The following RUSC1 variants were observed in gnomAD, a reference collection of about 807,000 sequenced individuals.
The protein encoded by RUSC1 is AP-4 complex accessory subunit RUSC1.
A neutral mutation model predicts 72.1 loss-of-function variants in RUSC1; 40 were observed. The observed-to-expected ratio is 0.55, with a 90% CI of 0.43 to 0.72. RUSC1 has a LOEUF of 0.72. Among genes scored for constraint, RUSC1 ranks in the 30% least tolerant of loss-of-function variants. The probability of loss-of-function intolerance (pLI) is 0.00; values close to 1 mark genes in which losing one functional copy is unlikely to be tolerated. For missense variants in RUSC1, 1,092 were observed against 1,172.3 expected, an observed-to-expected ratio of 0.93 and a Z score of 1.00; for synonymous variants, 512 against 494.2, an observed-to-expected ratio of 1.04 and a Z score of -0.48.
chr1:155,326,884 C>T lies in RUSC1; in HGVS notation c.2166C>T (p.Asn722=). 1 of 1,613,784 alleles carries T rather than the reference C, an allele frequency of 6.2e-7. No individual in the cohort carries two copies. Among genetic ancestry groups the T allele is most frequent in the Non-Finnish European group, 8.5e-7 (1 of 1,180,050 alleles). The change falls in exon 8 of 10, where the codon AAC becomes AAT. Residue 722 remains asparagine (N), a synonymous_variant. Transcript: ENST00000368352. The surrounding 1 kb of genome is among the most constrained non-coding windows in gnomAD (Gnocchi z 4.7). ...EAASDPSDSP[N]LPTPGSWWEQ... is the part of the protein sequence containing the mutation. ...CTTCAGACCCCTCTGACTCTCCAAA[C>T]CTTCCCACACCAGGGAGCTGGTGGG...
intron 9 of RUSC1, among the ~76,000 whole-genome samples, chr1:155,330,111 C>T (rs527535559): frequency 5.9e-5 from 9 of 152,042 alleles, no homozygotes; most frequent in South Asian, 4.2e-4. Context: ...ATAGGCGACA[C>T]GAGGAGGAAC....
At chr1:155,321,116 G>A in intron 1 of RUSC1, 125 bp downstream of exon 1, 11 of 1,385,572 alleles carry the variant, frequency 7.9e-6, no homozygotes, top group Non-Finnish European at 1.1e-5. Flanking sequence ...GGAGACGAAT[G>A]CGGAGAGAAT....
At position 155,325,322 on chromosome 1, in the gene RUSC1, T is replaced by C. The variant is rs754437891; in HGVS notation, c.1540T>C (p.Leu514=). 1.6e-5 allele frequency: 26 copies of C among 1,602,694 alleles called. No individual in the cohort carries two copies. The highest frequency in any genetic ancestry group is 4.5e-5 in the East Asian group (2 of 44,808). ...GGCATCGCGCCACCTCCAGGCCCAG[T>C]TGGGTGATAGCCGGCTGAGCCCGGA... ...AARNLVQKAQ[L]GDSRLSPDVG... is the part of the protein sequence containing the mutation. Residue 514 remains leucine (L), a synonymous_variant, in exon 5 of 10, where the codon TTG becomes CTG. Coordinates refer to ENST00000368352, the MANE Select transcript of RUSC1 (RefSeq NM_001105203.2). The surrounding 1 kb of genome is among the most constrained non-coding windows in gnomAD (Gnocchi z 6.5).
intron 8 of RUSC1, 76 bp from the exon 9 acceptor site, chr1:155,328,074 T>A: frequency 6.5e-7 from 1 of 1,538,976 alleles, no homozygotes. Flanking sequence ...CCTTAGCCTC[T>A]CCCTCCCTCC....
At chr1:155,324,662 C>A in intron 2 of RUSC1, 183 bp from the exon 3 acceptor site, 1 of 1,530,406 alleles carries the variant, frequency 6.5e-7, no homozygotes, top group Admixed American at 2.0e-5. Flanking sequence ...GGGAAGTGTG[C>A]GAGATTTCAC....
intron 1 of RUSC1, 34 bp downstream of exon 1, chr1:155,321,025 T>C (rs759804232): frequency 2.0e-6 from 3 of 1,485,044 alleles, no homozygotes; most frequent in Non-Finnish European, 2.7e-6. Flanking sequence ...TGTAGACCGA[T>C]GGACCTGGGC....
In RUSC1 at chr1:155,326,393, C is replaced by T; in HGVS notation, c.1862-187C>T. 1 of 610,236 alleles carries T rather than the reference C, an allele frequency of 1.6e-6. No homozygotes were observed. Among genetic ancestry groups the T allele is most frequent in the Non-Finnish European group, 2.9e-6 (1 of 349,560 alleles). 37.8% of individuals were successfully genotyped at this position (610,236 alleles called of 1,614,324 possible). On this transcript the variant is annotated intron_variant, in intron 7 of 9. Transcript: ENST00000368352. This position sits in a 1 kb window ranked among gnomAD's most constrained non-coding sequence, Gnocchi z 4.7. ...GTCACCACTTGCTGTGTGTGTCTTC[C>T]TATTTGGGCTAGGTTCCATGCAGGC... is the stretch of plus-strand genomic sequence containing the variant.
chr1:155,328,168 G>T lies in RUSC1; in HGVS notation c.2433G>T (p.Leu811=). The change falls in exon 9 of 10, where the codon CTG becomes CTT. Residue 811 remains leucine (L), a synonymous_variant. Coordinates refer to ENST00000368352, the MANE Select transcript of RUSC1 (RefSeq NM_001105203.2). ...ALKSRRPSSW[L]PPTVSVLALV... ...CTTTTAGGAGACCATCTAGCTGGCT[G>T]CCCCCGACAGTGAGTGTGTTGGCTC... 6.2e-7 allele frequency: 1 copy of T among 1,612,908 alleles called. No individual in the cohort carries two copies.
In RUSC1 at chr1:155,325,944, T is replaced by C. The variant is rs762136717; in HGVS notation, c.1861+34T>C. On this transcript the variant is annotated intron_variant, in intron 7 of 9. Coordinates refer to ENST00000368352, the MANE Select transcript of RUSC1 (RefSeq NM_001105203.2). The surrounding 1 kb of genome is among the most constrained non-coding windows in gnomAD (Gnocchi z 6.5). ...TTCAGATGGTAGAGGATGGGGCTGA[T>C]GGGCTGGGAGGATGGGAAGGAAAGA... 10 of 1,609,578 alleles carry C rather than the reference T, an allele frequency of 6.2e-6. No individual in the cohort carries two copies. The highest frequency in any genetic ancestry group is 7.7e-6 in the Non-Finnish European group (9 of 1,175,900).
At position 155,326,562 on chromosome 1, in the gene RUSC1, T is replaced by C; in HGVS notation, c.1862-18T>C. ...CTAGGTCCAGGGCAGGAGCTGATGT[T>C]GGCCTGCTCTTTTCCAGGCCTGCTC... is the stretch of plus-strand genomic sequence containing the variant. On this transcript the variant is annotated intron_variant, in intron 7 of 9. Coordinates refer to ENST00000368352, the MANE Select transcript of RUSC1 (RefSeq NM_001105203.2). The surrounding 1 kb of genome is among the most constrained non-coding windows in gnomAD (Gnocchi z 4.7). The C allele has an allele frequency of 1.9e-6, 3 of 1,589,740 alleles. No homozygotes were observed. The highest frequency in any genetic ancestry group is 2.6e-6 in the Non-Finnish European group (3 of 1,166,088).
At position 155,325,387 on chromosome 1, in the gene RUSC1, C is replaced by T; in HGVS notation, c.1605C>T (p.Leu535=). Residue 535 remains leucine, a synonymous_variant, in exon 5 of 10, where the codon CTC becomes CTT. Coordinates refer to ENST00000368352, the MANE Select transcript of RUSC1 (RefSeq NM_001105203.2). This position sits in a 1 kb window ranked among gnomAD's most constrained non-coding sequence, Gnocchi z 6.5. ...TGCTGACCACCCTCTGCCCGGCCCTCCACGCCCTGGTGGCGGACGGGCTGA... is the reference window on the plus strand; with the variant it reads ...TGCTGACCACCCTCTGCCCGGCCCTTCACGCCCTGGTGGCGGACGGGCTGA... ...HLVLTTLCPA[L]HALVADGLKP... is the part of the protein sequence containing the mutation. 7 of 1,594,488 alleles carry T rather than the reference C, an allele frequency of 4.4e-6. No homozygotes were observed. Among genetic ancestry groups the T allele is most frequent in the Non-Finnish European group, 6.0e-6 (7 of 1,174,626 alleles).
rs1398312317 is a variant in RUSC1, at chr1:155,325,492, T to A, written c.1708+2T>A. 1 of 1,597,008 alleles carries A rather than the reference T, an allele frequency of 6.3e-7. No individual in the cohort carries two copies. ...TGGTGGAGGCGTCGGTGAAGCCAGG[T>A]GAGCCAGGAGGGCGTGGGACCCGGC... On this transcript the variant is annotated splice_donor_variant, in intron 5 of 9. Transcript: ENST00000368352. LOFTEE classifies it high-confidence loss of function. This position sits in a 1 kb window ranked among gnomAD's most constrained non-coding sequence, Gnocchi z 6.5.
chr1:155,321,143 C>G (rs1463806294), intron 1 of RUSC1, 152 bp downstream of exon 1: 1 of 1,377,110 alleles, frequency 7.3e-7, no homozygotes, highest in Non-Finnish European at 9.7e-7. Context: ...ACCGCTGTTC[C>G]GAGGGGCGAG....
intron 2 of RUSC1, 61 bp from the exon 3 acceptor site, chr1:155,324,784 G>A: frequency 6.2e-7 from 1 of 1,611,804 alleles, no homozygotes; most frequent in Non-Finnish European, 8.5e-7. Flanking sequence ...TTGTGCGGGA[G>A]CCCGGAGTCC....
Position 155,321,743 on chromosome 1 carries a change from C to G in RUSC1, c.-31C>G, listed in dbSNP as rs760743782. The G allele has an allele frequency of 6.2e-6, 10 of 1,612,874 alleles. No individual in the cohort carries two copies. In the East Asian group the frequency reaches 2.0e-4, roughly 32 times the overall value. ...TGTGAGAGACCCTACCCTTCTGGTT[C>G]TCTAGAAGCCATCCCATCGCCGCTA... On this transcript the variant is annotated 5_prime_UTR_variant, in exon 2 of 10. Transcript: ENST00000368352.
chr1:155,328,791 G>A (rs1009881179), intron 9 of RUSC1, among the ~76,000 whole-genome samples: 2 of 152,128 alleles, frequency 1.3e-5, no homozygotes, highest in Admixed American at 1.3e-4. Flanking sequence ...TAGAGACCGG[G>A]GTTTCACCAT....
In RUSC1 at chr1:155,323,056, G is replaced by A. The variant is rs1420449062; in HGVS notation, c.1283G>A (p.Gly428Asp). Residue 428 changes from glycine (G) to aspartate (D), a missense_variant, in exon 2 of 10, where the codon GGC becomes GAC. Coordinates refer to ENST00000368352, the MANE Select transcript of RUSC1 (RefSeq NM_001105203.2). ...QPIAEGQSEE[G>D]RAVSPAAGEE... is the part of the protein sequence containing the mutation. ...ATAGCGGAGGGGCAGTCCGAGGAGG[G>A]CCGGGCTGTCAGCCCAGCGGCTGGC... 4 of 1,442,424 alleles carry A rather than the reference G, an allele frequency of 2.8e-6. No individual in the cohort carries two copies. In the South Asian group the frequency reaches 5.9e-5, roughly 21 times the overall value. 89.4% of individuals were successfully genotyped at this position (1,442,424 alleles called of 1,614,324 possible). A position where few individuals can be genotyped will look rare whatever the true frequency, so the allele number is the denominator to read the frequency against.
chr1:155,324,087 A>T, intron 2 of RUSC1: 2 of 1,154,178 alleles, frequency 1.7e-6, no homozygotes, highest in Non-Finnish European at 2.1e-6. Flanking sequence ...CCCAGCCTCC[A>T]TGCCAAGTCT....
At chr1:155,324,015 C>G in intron 2 of RUSC1, 1 of 1,049,574 alleles carries the variant, frequency 9.5e-7, no homozygotes, top group Non-Finnish European at 1.2e-6. Context: ...GTTGCCTTTC[C>G]TGCTCCGTGG....
Sources: allele counts gnomAD v4.1 joint callset (sites outside exome capture counted in the v4.1 genomes callset), GRCh38; gene constraint gnomAD v4.1.1; non-coding constraint Gnocchi (gnomAD v3.1); transcripts MANE v1.5; gene names NCBI Gene and HGNC (gene_info 2026-07-23, HGNC 2026-07-21).